CSTF1: variants seen among roughly 807,000 people sequenced by gnomAD.
CSTF1 encodes CF-1 50 kDa subunit.
CSTF1 carries 2 observed loss-of-function variants against 40.9 expected under a neutral mutation model. That is an observed-to-expected ratio of 0.05 (90% confidence interval 0.02 to 0.15). The LOEUF is 0.15. CSTF1 is among the 10% of genes least tolerant of loss of function. The probability of loss-of-function intolerance (pLI) is 1.00; values close to 1 mark genes in which losing one functional copy is unlikely to be tolerated. For synonymous variants in CSTF1, 218 were observed against 207.2 expected, an observed-to-expected ratio of 1.05 and a Z score of -0.45; for missense variants, 279 against 558.9, an observed-to-expected ratio of 0.50 and a Z score of 5.05.
In CSTF1 at chr20:56,397,549, A is replaced by G. The variant is rs570990403; in HGVS notation, c.447+65A>G. 22 of 1,600,268 alleles carry G rather than the reference A, an allele frequency of 1.4e-5. No individual in the cohort carries two copies. The highest frequency in any genetic ancestry group is 1.7e-5 in the Admixed American group (1 of 59,436). On this transcript the variant is annotated intron_variant, in intron 3 of 5. Transcript: ENST00000217109. This position sits in a 1 kb window ranked among gnomAD's most constrained non-coding sequence, Gnocchi z 4.4. ...TTTTCATTTTTGGAAAAATGAGAGT[A>G]TGGTTGAAACCAGCTTTAGTTTGCT... is the stretch of plus-strand genomic sequence containing the variant.
Position 56,403,890 on chromosome 20 carries a change from T to G in CSTF1, c.*163T>G, listed in dbSNP as rs1978587612. 2 of 711,628 alleles carry G rather than the reference T, an allele frequency of 2.8e-6. No homozygotes were observed. The highest frequency in any genetic ancestry group is 3.9e-5 in the South Asian group (2 of 51,168). The allele number at this position is 711,628 out of a possible 1,614,324, so 44.1% of individuals were successfully genotyped here. On this transcript the variant is annotated 3_prime_UTR_variant, in exon 6 of 6. Transcript: ENST00000217109. ...AAAAGAATCTTTTTTTACCTTGATG[T>G]AGAATCATGGTGGAAAAAGTTGGAA...
rs944990632 is a variant in CSTF1 at position 56,397,198 on chromosome 20, T to C, written c.170-9T>C. The C allele has an allele frequency of 3.1e-6, 5 of 1,602,212 alleles. No individual in the cohort carries two copies. Among genetic ancestry groups the C allele is most frequent in the Admixed American group, 1.7e-5 (1 of 57,972 alleles). On this transcript the variant is annotated splice_polypyrimidine_tract_variant and intron_variant, in intron 2 of 5. Transcript: ENST00000217109. The surrounding 1 kb of genome is among the most constrained non-coding windows in gnomAD (Gnocchi z 4.4). The stretch of plus-strand genomic sequence containing the variant: ...GTTTTGTTACGCCCTTAATTTTGAT[T>C]TCTTTCAGGAATGGAAAACGATGAC...
At chr20:56,403,430 T>G in intron 5 of CSTF1, 38 bp from the exon 6 acceptor site, 1 of 1,610,168 alleles carries the variant, frequency 6.2e-7, no homozygotes, top group Non-Finnish European at 8.5e-7. Context: ...GTCTAAGATG[T>G]GGACTTAGAA....
chr20:56,401,441 C>T (rs556456496), intron 5 of CSTF1, among the ~76,000 whole-genome samples: 5 of 152,274 alleles, frequency 3.3e-5, no homozygotes, highest in Admixed American at 2.0e-4. Context: ...ATAGAGATTT[C>T]GGGAAATCAT....
intron 1 of CSTF1, among the ~76,000 whole-genome samples, chr20:56,394,479 C>T (rs1379067380): frequency 6.6e-6 from 1 of 152,136 alleles, no homozygotes; most frequent in Non-Finnish European, 1.5e-5. Flanking sequence ...CTTAGCTACT[C>T]GGGAGGCTGA....
intron 2 of CSTF1, among the ~76,000 whole-genome samples, chr20:56,396,088 T>G (rs895970384): frequency 1.6e-4 from 24 of 152,216 alleles, no homozygotes; most frequent in African/African-American, 5.5e-4. Context: ...GCCATAGCGA[T>G]CCCATTTGTT....
chr20:56,403,955 G>C lies in CSTF1; in HGVS notation c.*228G>C, dbSNP rs981746716. On this transcript the variant is annotated 3_prime_UTR_variant, in exon 6 of 6. Transcript: ENST00000217109. ...AGTTCTACATTCACTGATTATTACA[G>C]TGTGATTTTCATCGGTTTTGTAAGT... 6.3e-6 allele frequency: 3 copies of C among 475,102 alleles called. No individual in the cohort carries two copies. Among genetic ancestry groups the C allele is most frequent in the Admixed American group, 3.5e-5 (1 of 28,666 alleles). The allele number at this position is 475,102 out of a possible 1,614,324, so 29.4% of individuals were successfully genotyped here. A position where few individuals can be genotyped will look rare whatever the true frequency, so the allele number is the denominator to read the frequency against.
At chr20:56,393,172 G>A (rs1206505178) in intron 1 of CSTF1, among the ~76,000 whole-genome samples, 142 of 128,702 alleles carry the variant, frequency 1.1e-3, no homozygotes, top group African/African-American at 3.5e-3. Context: ...ACACACATAT[G>A]TGTGTGTGTG....
At chr20:56,402,316 A>AC (rs959792886) in intron 5 of CSTF1, among the ~76,000 whole-genome samples, 2 of 151,650 alleles carry the variant, frequency 1.3e-5, no homozygotes, top group African/African-American at 4.9e-5. Context: ...CAAAAAAAAA[A>AC]AAAAAAGAGA....
intron 1 of CSTF1, among the ~76,000 whole-genome samples, chr20:56,394,681 C>T (rs1360077759): frequency 6.6e-6 from 1 of 152,222 alleles, no homozygotes; most frequent in Non-Finnish European, 1.5e-5. Flanking sequence ...CAAACATACA[C>T]ATACATAAAG....
At chr20:56,396,850 C>A in intron 2 of CSTF1, 1 of 185,358 alleles carries the variant, frequency 5.4e-6, no homozygotes, top group Non-Finnish European at 1.1e-5. Context: ...ATATCTCAAC[C>A]CTAAAAATAT....
At position 56,396,528 on chromosome 20, in the gene CSTF1, CA is replaced by C. The variant is rs1372950612; in HGVS notation, c.170-678del. ...AAGTGAGTCACAACATGTTACACAG[CA>C]TTGCTCTATTACTGTTTTGAAAAAT... On this transcript the variant is annotated intron_variant, in intron 2 of 5. Transcript: ENST00000217109. Among the ~76,000 whole-genome samples, 93 of 152,264 alleles carry C rather than the reference CA, an allele frequency of 6.1e-4. 1 individual carries two copies. The highest frequency in any genetic ancestry group is 2.1e-3 in the African/African-American group (89 of 41,568).
In CSTF1 at chr20:56,406,243, T is replaced by C. The variant is rs933814716; in HGVS notation, c.*2516T>C. 2 of 152,166 alleles carry C rather than the reference T, an allele frequency of 1.3e-5. No individual in the cohort carries two copies. Among genetic ancestry groups the C allele is most frequent in the African/African-American group, 4.8e-5 (2 of 41,436 alleles). 9.4% of individuals were successfully genotyped at this position (152,166 alleles called of 1,614,324 possible). A position where few individuals can be genotyped will look rare whatever the true frequency, so the allele number is the denominator to read the frequency against. ...CTTAGTATCTGCATCTCGTTAATTG[T>C]ACCACACAACACTCTGCCATTCAAA... On this transcript the variant is annotated 3_prime_UTR_variant, in exon 6 of 6. Transcript: ENST00000217109.
In CSTF1 at chr20:56,399,417, C is replaced by CAA; in HGVS notation, c.1036+60_1036+61insAA. On this transcript the variant is annotated intron_variant, in intron 5 of 5. Coordinates refer to ENST00000217109, the MANE Select transcript of CSTF1 (RefSeq NM_001324.3). This position sits in a 1 kb window ranked among gnomAD's most constrained non-coding sequence, Gnocchi z 4.6. ...TAGTGTTTACACTTTCCAGAACTCT[C>CAA]TTTTAAGACCTCACAATAGAGCAAC... is the stretch of plus-strand genomic sequence containing the variant. 2 of 1,414,454 alleles carry CAA rather than the reference C, an allele frequency of 1.4e-6. No individual in the cohort carries two copies. Among genetic ancestry groups the CAA allele is most frequent in the Non-Finnish European group, 1.9e-6 (2 of 1,034,364 alleles). 87.6% of individuals were successfully genotyped at this position (1,414,454 alleles called of 1,614,324 possible). A position where few individuals can be genotyped will look rare whatever the true frequency, so the allele number is the denominator to read the frequency against.
At chr20:56,393,678 A>G (rs972498628) in intron 1 of CSTF1, among the ~76,000 whole-genome samples, 6 of 151,092 alleles carry the variant, frequency 4.0e-5, no homozygotes, top group Non-Finnish European at 8.9e-5. Flanking sequence ...CTCTAACACA[A>G]GTTATGGGAC....
Position 56,404,238 on chromosome 20 carries a change from T to C in CSTF1, c.*511T>C, listed in dbSNP as rs1978606900. On this transcript the variant is annotated 3_prime_UTR_variant, in exon 6 of 6. Transcript: ENST00000217109. ...TCCTGAAATGATGTTATTCTGATAA[T>C]AAAGCTCAGATCTGCAACTTTATTG... 1 of 153,076 alleles carries C rather than the reference T, an allele frequency of 6.5e-6. No homozygotes were observed. Among genetic ancestry groups the C allele is most frequent in the African/African-American group, 2.4e-5 (1 of 41,468 alleles). The allele number at this position is 153,076 out of a possible 1,614,324, so 9.5% of individuals were successfully genotyped here.
Position 56,403,787 on chromosome 20 carries a change from T to C in CSTF1, c.*60T>C. The C allele has an allele frequency of 2.0e-6, 3 of 1,533,364 alleles. No homozygotes were observed. Among genetic ancestry groups the C allele is most frequent in the Non-Finnish European group, 2.7e-6 (3 of 1,125,868 alleles). 95.0% of individuals were successfully genotyped at this position (1,533,364 alleles called of 1,614,324 possible). ...CTACCCTCCTCCCCCACGTCCTGTC[T>C]CAGCTGCAGTCGTAAGTCCGTGCAC... On this transcript the variant is annotated 3_prime_UTR_variant, in exon 6 of 6. Transcript: ENST00000217109.
At position 56,397,204 on chromosome 20, in the gene CSTF1, C is replaced by T. The variant is rs1267431356; in HGVS notation, c.170-3C>T. 6.2e-7 allele frequency: 1 copy of T among 1,603,406 alleles called. No homozygotes were observed. Among genetic ancestry groups the T allele is most frequent in the African/African-American group, 1.3e-5 (1 of 74,476 alleles). ...TTACGCCCTTAATTTTGATTTCTTT[C>T]AGGAATGGAAAACGATGACACCGCA... is the stretch of plus-strand genomic sequence containing the variant. On this transcript the variant is annotated splice_region_variant and splice_polypyrimidine_tract_variant and intron_variant, in intron 2 of 5. Coordinates refer to ENST00000217109, the MANE Select transcript of CSTF1 (RefSeq NM_001324.3). This position sits in a 1 kb window ranked among gnomAD's most constrained non-coding sequence, Gnocchi z 4.4.
At chr20:56,401,523 C>A (rs974163777) in intron 5 of CSTF1, among the ~76,000 whole-genome samples, 2 of 152,174 alleles carry the variant, frequency 1.3e-5, no homozygotes, top group Non-Finnish European at 2.9e-5. Flanking sequence ...TTTAAATACA[C>A]GCTTTTTGAC....
Sources: gnomAD v4.1 joint callset for allele counts (sites outside exome capture counted in the v4.1 genomes callset) on GRCh38, gnomAD v4.1.1 for gene constraint, Gnocchi (gnomAD v3.1) non-coding constraint, MANE v1.5 for transcripts, NCBI Gene and HGNC (gene_info 2026-07-23, HGNC 2026-07-21) for gene names.